Variants in EXTL3 observed in about 807,000 individuals in gnomAD.
EXTL3 encodes the protein exostosin-like 3.
A neutral mutation model predicts 69.3 loss-of-function variants in EXTL3; 27 were observed. The ratio of observed to expected loss-of-function variants is 0.39; its 90% CI spans 0.29 to 0.54. The LOEUF (loss-of-function observed/expected upper bound fraction) is 0.54, where lower values mean the gene tolerates loss of function less well. EXTL3 is among the 20% of genes least tolerant of loss of function. EXTL3 has a pLI of 0.69. For missense variants in EXTL3, 1,003 were observed against 1,231.8 expected (o/e 0.81, Z 2.78); for synonymous variants, 511 against 499.4 (o/e 1.02, Z -0.31).
intron 1 of EXTL3, among the ~76,000 whole-genome samples, chr8:28,630,935 A>G (rs976444397): frequency 2.6e-5 from 4 of 152,278 alleles, no homozygotes; most frequent in Non-Finnish European, 5.9e-5. Context: ...CGCACAGTAG[A>G]GACTAGCTGT....
At position 28,752,838 on chromosome 8, in the gene EXTL3, T is replaced by A. The variant is rs1314962462; in HGVS notation, c.*1972T>A. On this transcript the variant is annotated 3_prime_UTR_variant, in exon 7 of 7. Coordinates refer to ENST00000220562, the MANE Select transcript of EXTL3 (RefSeq NM_001440.4). The stretch of plus-strand genomic sequence containing the variant: ...GTGTGTGGCGCTATATTGTGGCTGC[T>A]ATTTCATCTGGTTTCTTTTAATGTG... The A allele has an allele frequency of 2.6e-5, 4 of 152,804 alleles. No homozygotes were observed. The highest frequency in any genetic ancestry group is 5.9e-5 in the Non-Finnish European group (4 of 68,134). The allele number at this position is 152,804 out of a possible 1,614,324, so 9.5% of individuals were successfully genotyped here. A position where few individuals can be genotyped will look rare whatever the true frequency, so the allele number is the denominator to read the frequency against.
intron 1 of EXTL3, among the ~76,000 whole-genome samples, chr8:28,649,518 CCTT>C (rs1806884805): frequency 6.6e-6 from 1 of 152,178 alleles, no homozygotes; most frequent in Admixed American, 6.5e-5. Flanking sequence ...TGCACCTCCT[CCTT>C]GTTGAATGAT....
At chr8:28,697,456 A>G (rs1192181333), upstream of EXTL3, 4 of 152,268 alleles carry the variant, frequency 2.6e-5, no homozygotes. Flanking sequence ...TGCTCCAGAC[A>G]GAAGACCCAC....
At chr8:28,742,622 C>G (rs1332273959) in intron 5 of EXTL3, 3 of 240,746 alleles carry the variant, frequency 1.2e-5, no homozygotes, top group African/African-American at 2.3e-5. Flanking sequence ...ATGGCGAGTA[C>G]TGACCAGACT....
At chr8:28,660,090 C>T (rs1807082707) in intron 1 of EXTL3, among the ~76,000 whole-genome samples, 2 of 152,206 alleles carry the variant, frequency 1.3e-5, no homozygotes, top group African/African-American at 4.8e-5. Context: ...GGGCCGGGTA[C>T]AGCGGCTCAT....
chr8:28,619,091 C>CAAAA (rs869265770), upstream of EXTL3, among the ~76,000 whole-genome samples: 2 of 56,872 alleles, frequency 3.5e-5, no homozygotes, highest in Non-Finnish European at 6.4e-5. Context: ...GACTCCGTCT[C>CAAAA]AAAAAAAAAA....
At chr8:28,727,793 G>T (rs910565630) in intron 3 of EXTL3, among the ~76,000 whole-genome samples, 2 of 152,128 alleles carry the variant, frequency 1.3e-5, no homozygotes, top group African/African-American at 2.4e-5. Flanking sequence ...TCCCCCAGGG[G>T]CATGTTAAAA....
chr8:28,698,647 A>G (rs1450289119), upstream of EXTL3, among the ~76,000 whole-genome samples: 2 of 152,214 alleles, frequency 1.3e-5, no homozygotes, highest in Non-Finnish European at 2.9e-5. Flanking sequence ...CAGGAATTTG[A>G]GACCAGCCTG....
chr8:28,610,713 TC>T (rs1806259982), intron 2 of EXTL3, among the ~76,000 whole-genome samples: 1 of 151,984 alleles, frequency 6.6e-6, no homozygotes. Flanking sequence ...AATGACTTCT[TC>T]AAGTTTGTAA....
At chr8:28,748,112 C>T (rs909794023) in intron 6 of EXTL3, among the ~76,000 whole-genome samples, 2 of 152,130 alleles carry the variant, frequency 1.3e-5, no homozygotes, top group Admixed American at 1.3e-4. Flanking sequence ...GTGGCTCATG[C>T]CTGTAATCCC....
At chr8:28,720,717 C>T (rs932477176) in intron 3 of EXTL3, among the ~76,000 whole-genome samples, 2 of 152,108 alleles carry the variant, frequency 1.3e-5, no homozygotes, top group Non-Finnish European at 2.9e-5. Context: ...GAAGTGCCAC[C>T]AGTTGAAGTG....
chr8:28,706,518 T>G (rs1420326490), intron 1 of EXTL3, among the ~76,000 whole-genome samples: 1 of 152,220 alleles, frequency 6.6e-6, no homozygotes, highest in Non-Finnish European at 1.5e-5. Flanking sequence ...GTGTTTTTAT[T>G]ACTGCCAAAT....
At chr8:28,710,283 G>C (rs1390614264) in intron 1 of EXTL3, 1 of 326,562 alleles carries the variant, frequency 3.1e-6, no homozygotes, top group Non-Finnish European at 6.1e-6. Context: ...AGCCAATCAG[G>C]GGGCTAAGCG....
intron 1 of EXTL3, among the ~76,000 whole-genome samples, chr8:28,689,038 C>G (rs1800569677): frequency 6.6e-6 from 1 of 152,230 alleles, no homozygotes. Context: ...AGCTCTCCTT[C>G]TTATGGTTTC....
At chr8:28,647,305 A>G (rs1311883043) in intron 1 of EXTL3, among the ~76,000 whole-genome samples, 1 of 151,960 alleles carries the variant, frequency 6.6e-6, no homozygotes, top group African/African-American at 2.4e-5. Context: ...GGGTTTCACC[A>G]TGTTGTCCAG....
At chr8:28,677,177 G>T (rs573958505) in intron 1 of EXTL3, among the ~76,000 whole-genome samples, 14 of 152,146 alleles carry the variant, frequency 9.2e-5, no homozygotes, top group Non-Finnish European at 1.5e-5. Flanking sequence ...AGAGGAAAAA[G>T]AAAATGAAAG....
At chr8:28,726,531 G>T (rs1262117014) in intron 3 of EXTL3, among the ~76,000 whole-genome samples, 1 of 152,170 alleles carries the variant, frequency 6.6e-6, no homozygotes, top group Non-Finnish European at 1.5e-5. Context: ...CTGTCTTCCT[G>T]CAGGTTGACT....
At chr8:28,635,481 C>T (rs1806638585) in intron 1 of EXTL3, among the ~76,000 whole-genome samples, 1 of 147,926 alleles carries the variant, frequency 6.8e-6, no homozygotes, top group South Asian at 2.1e-4. Flanking sequence ...GCGGGCGGAT[C>T]ATGAGGTCAG....
intron 1 of EXTL3, among the ~76,000 whole-genome samples, chr8:28,636,917 G>T (rs998607412): frequency 3.3e-5 from 5 of 151,820 alleles, no homozygotes; most frequent in Non-Finnish European, 7.4e-5. Context: ...AGGAGGCAGA[G>T]GTTGCAGTAA....
Sources: gnomAD v4.1 joint callset for allele counts (sites outside exome capture counted in the v4.1 genomes callset) on GRCh38, gnomAD v4.1.1 for gene constraint, MANE v1.5 for transcripts, NCBI Gene and HGNC (gene_info 2026-07-23, HGNC 2026-07-21) for gene names.